The following ATAD2B variants were observed in gnomAD, a reference collection of about 807,000 sequenced individuals.
ATAD2B encodes ATPase family AAA domain containing 2B.
A neutral mutation model predicts 167.6 loss-of-function variants in ATAD2B; 40 were observed. The ratio of observed to expected loss-of-function variants is 0.24; its 90% CI spans 0.19 to 0.31. The LOEUF (loss-of-function observed/expected upper bound fraction) is 0.31. Among genes scored for constraint, ATAD2B ranks in the 10% least tolerant of loss-of-function variants. The pLI, the probability that ATAD2B is intolerant of heterozygous loss-of-function variation, is 1.00. For synonymous variants in ATAD2B, 579 were observed against 596.5 expected (o/e 0.97, Z 0.43); for missense variants, 1,242 against 1,757.2 (o/e 0.71, Z 5.24).
chr2:23,729,584 C>A, the ATAD2B span, among the ~76,000 whole-genome samples: 1 of 152,072 alleles, frequency 6.6e-6, no homozygotes, highest in Non-Finnish European at 1.5e-5. Flanking sequence ...TAAGATGTTA[C>A]CCCATTCTAG....
intron 18 of ATAD2B, among the ~76,000 whole-genome samples, chr2:23,803,132 G>GT (rs1388741002): frequency 6.6e-6 from 1 of 152,040 alleles, no homozygotes; most frequent in African/African-American, 2.4e-5. Flanking sequence ...GTTTTGTTTT[G>GT]TTTTTTAAGA....
chr2:23,695,931 G>T, the ATAD2B span: 77 of 1,548,986 alleles, frequency 5.0e-5, no homozygotes, highest in South Asian at 3.5e-4. The surrounding 1 kb of genome is among the most constrained non-coding windows in gnomAD (Gnocchi z 7.6). Context: ...TCCCAAGGGC[G>T]CCCATCCATG....
At chr2:23,825,687 G>A (rs1169937667) in intron 15 of ATAD2B, among the ~76,000 whole-genome samples, 3 of 152,024 alleles carry the variant, frequency 2.0e-5, no homozygotes, top group East Asian at 1.9e-4. Flanking sequence ...AAACAATCAC[G>A]TTTCTATTTC....
chr2:23,893,052 A>G (rs17762651), intron 2 of ATAD2B, among the ~76,000 whole-genome samples: 18,309 of 152,186 alleles, frequency 0.12, 1,178 homozygotes, highest in Middle Eastern at 0.22. Flanking sequence ...ATCAATCATT[A>G]AAATTCTGTT....
intron 17 of ATAD2B, among the ~76,000 whole-genome samples, chr2:23,813,802 G>A (rs560846959): frequency 8.0e-4 from 121 of 151,962 alleles, no homozygotes; most frequent in African/African-American, 2.8e-3. Flanking sequence ...GTTTAAAAAC[G>A]GAGGATTCAG....
chr2:23,784,506 C>T (rs1458248729), intron 21 of ATAD2B, among the ~76,000 whole-genome samples: 15 of 151,968 alleles, frequency 9.9e-5, no homozygotes, highest in Admixed American at 4.6e-4. Flanking sequence ...ATCCCCTTAC[C>T]GTCATTTATA....
chr2:23,768,477 A>C (rs1677787648), intron 22 of ATAD2B, among the ~76,000 whole-genome samples: 1 of 152,028 alleles, frequency 6.6e-6, no homozygotes, highest in South Asian at 2.1e-4. Context: ...AAGCTGAAGC[A>C]GCAGGATCGC....
At chr2:23,866,345 C>T (rs534030507) in intron 10 of ATAD2B, among the ~76,000 whole-genome samples, 3 of 152,080 alleles carry the variant, frequency 2.0e-5, no homozygotes, top group African/African-American at 4.8e-5. Flanking sequence ...GCGGAGGTTG[C>T]GGTAAGCTGA....
chr2:23,855,217 C>G (rs754344936), intron 13 of ATAD2B, among the ~76,000 whole-genome samples: 2 of 150,046 alleles, frequency 1.3e-5, no homozygotes, highest in Non-Finnish European at 3.0e-5. Context: ...AACACAAGGA[C>G]TACAACACAA....
chr2:23,896,638 A>G (rs1015941363), intron 1 of ATAD2B, among the ~76,000 whole-genome samples: 2 of 152,296 alleles, frequency 1.3e-5, no homozygotes, highest in South Asian at 4.1e-4. Context: ...ACCACCATAC[A>G]ACCCCCCAAT....
chr2:23,696,224 A>G, the ATAD2B span: 1 of 1,491,320 alleles, frequency 6.7e-7, no homozygotes, highest in Non-Finnish European at 9.1e-7. The surrounding 1 kb of genome is among the most constrained non-coding windows in gnomAD (Gnocchi z 5.5). Flanking sequence ...CATGGCCCAG[A>G]AGTGTCTACT....
At chr2:23,711,899 C>T in the ATAD2B span, among the ~76,000 whole-genome samples, 1 of 152,168 alleles carries the variant, frequency 6.6e-6, no homozygotes, top group Non-Finnish European at 1.5e-5. Context: ...CATAATTACA[C>T]ACATTAACTC....
At chr2:23,788,355 G>A in intron 20 of ATAD2B, 157 bp downstream of exon 20, 4 of 775,772 alleles carry the variant, frequency 5.2e-6, no homozygotes, top group Admixed American at 2.8e-5. Context: ...CAAGTCAGGT[G>A]AACACAATGG....
chr2:23,878,746 CTGTCT>C (rs141042405), intron 7 of ATAD2B, among the ~76,000 whole-genome samples: 18,257 of 152,098 alleles, frequency 0.12, 1,157 homozygotes, highest in Middle Eastern at 0.21. Context: ...AAGCAACAGA[CTGTCT>C]TGTCTTAAAA....
chr2:23,696,021 C>T, the ATAD2B span: 58,134 of 1,551,658 alleles, frequency 0.037, 1,254 homozygotes, highest in South Asian at 0.078. This position sits in a 1 kb window ranked among gnomAD's most constrained non-coding sequence, Gnocchi z 5.5. Context: ...CGCTGGTGGC[C>T]GTCACCTGCT....
At chr2:23,754,887 G>A in intron 25 of ATAD2B, 113 bp from the exon 26 acceptor site, 1 of 1,109,220 alleles carries the variant, frequency 9.0e-7, no homozygotes, top group Non-Finnish European at 1.3e-6. Context: ...AATGAGGAAG[G>A]GTGTATTCTT....
chr2:23,788,726 T>C, intron 19 of ATAD2B, 79 bp from the exon 20 acceptor site: 1 of 1,144,636 alleles, frequency 8.7e-7, no homozygotes, highest in Non-Finnish European at 1.2e-6. Flanking sequence ...TTGCAATGTC[T>C]TCATCTTCCA....
At chr2:23,740,993 A>C in the ATAD2B span, among the ~76,000 whole-genome samples, 1 of 152,176 alleles carries the variant, frequency 6.6e-6, no homozygotes, top group Non-Finnish European at 1.5e-5. Context: ...TCCAACTTAC[A>C]AGGGATGTGA....
intron 7 of ATAD2B, among the ~76,000 whole-genome samples, chr2:23,880,431 C>T (rs987050116): frequency 4.6e-5 from 7 of 151,866 alleles, no homozygotes; most frequent in African/African-American, 1.5e-4. Context: ...CTCATGGTGG[C>T]GGGCACCTGT....
Sources: gnomAD v4.1 joint callset for allele counts (sites outside exome capture counted in the v4.1 genomes callset) on GRCh38, gnomAD v4.1.1 for gene constraint, Gnocchi (gnomAD v3.1) non-coding constraint, MANE v1.5 for transcripts, NCBI Gene and HGNC (gene_info 2026-07-23, HGNC 2026-07-21) for gene names.